PTPN2: variants seen among roughly 807,000 people sequenced by gnomAD.
PTPN2 encodes tyrosine-protein phosphatase non-receptor type 2.
In PTPN2, 19 loss-of-function variants were observed where a neutral mutation model predicts 57.3. The observed-to-expected ratio is 0.33, with a 90% CI of 0.23 to 0.49. The LOEUF (loss-of-function observed/expected upper bound fraction) is 0.49. Among genes scored for constraint, PTPN2 ranks in the 20% least tolerant of loss-of-function variants. PTPN2 has a pLI of 0.99. For missense variants in PTPN2, 358 were observed against 501.1 expected (o/e 0.71, Z 2.73); for synonymous variants, 153 against 164.9 (o/e 0.93, Z 0.55).
At chr18:12,839,552 T>C (rs1037567434) in intron 2 of PTPN2, 4 of 152,106 alleles carry the variant, frequency 2.6e-5, no homozygotes, top group Non-Finnish European at 5.9e-5. Flanking sequence ...AAGGATCCAG[T>C]AAAGGGAGAA....
chr18:12,883,687 C>T, intron 1 of PTPN2: 1 of 172,668 alleles, frequency 5.8e-6, no homozygotes, highest in Non-Finnish European at 1.2e-5. Context: ...GGCGTGGGAG[C>T]TACGGCGAAG....
chr18:12,816,816 A>T (rs1436839149), intron 6 of PTPN2, among the ~76,000 whole-genome samples: 1 of 152,206 alleles, frequency 6.6e-6, no homozygotes, highest in East Asian at 1.9e-4. Flanking sequence ...AAAAAATGAG[A>T]TAAAGTATCT....
intron 8 of PTPN2, among the ~76,000 whole-genome samples, chr18:12,799,456 T>C (rs189640968): frequency 2.0e-5 from 3 of 152,236 alleles, no homozygotes; most frequent in Admixed American, 2.0e-4. Flanking sequence ...TGAAATTCTT[T>C]TGATAAGACT....
intron 7 of PTPN2, among the ~76,000 whole-genome samples, chr18:12,807,605 A>ATATATATATATATATATATATATATAT (rs1555660843): frequency 9.0e-6 from 1 of 110,532 alleles, no homozygotes; most frequent in Non-Finnish European, 1.9e-5. Context: ...ATATATATAT[A>ATATATATATATATATATATATATATAT]ATATAATACT....
intron 2 of PTPN2, among the ~76,000 whole-genome samples, chr18:12,856,504 C>T (rs1305854654): frequency 1.3e-5 from 2 of 152,030 alleles, no homozygotes; most frequent in Admixed American, 6.6e-5. Context: ...CTGCATGGTC[C>T]GCAGGAGGGA....
intron 5 of PTPN2, among the ~76,000 whole-genome samples, chr18:12,824,647 C>T (rs1185501840): frequency 6.6e-6 from 1 of 152,108 alleles, no homozygotes; most frequent in African/African-American, 2.4e-5. Context: ...TATTCTATTA[C>T]AACACAAAGA....
At chr18:12,814,137 G>T in intron 7 of PTPN2, 66 bp downstream of exon 7, 1 of 1,179,498 alleles carries the variant, frequency 8.5e-7, no homozygotes, top group Non-Finnish European at 1.2e-6. Flanking sequence ...CTCAAGTGGA[G>T]TGCAGTTATT....
At chr18:12,842,448 TG>T (rs2145417562) in intron 2 of PTPN2, among the ~76,000 whole-genome samples, 1 of 152,196 alleles carries the variant, frequency 6.6e-6, no homozygotes, top group South Asian at 2.1e-4. Flanking sequence ...CTCACAGCGC[TG>T]GGGAGAGGGG....
intron 1 of PTPN2, among the ~76,000 whole-genome samples, chr18:12,880,929 C>G (rs992937057): frequency 6.6e-6 from 1 of 152,188 alleles, no homozygotes; most frequent in Non-Finnish European, 1.5e-5. Flanking sequence ...GTACCTCAAA[C>G]AGAATTAAAG....
chr18:12,841,951 G>T (rs1311967037), intron 2 of PTPN2, among the ~76,000 whole-genome samples: 1 of 150,900 alleles, frequency 6.6e-6, no homozygotes, highest in Non-Finnish European at 1.5e-5. Context: ...TTGTTGCCCA[G>T]GCTGGAGTGC....
rs556732437 is a variant in PTPN2 at position 12,848,294 on chromosome 18, G to A, written c.160+10870C>T. On this transcript the variant is annotated intron_variant, in intron 2 of 8. Coordinates refer to ENST00000309660, the MANE Select transcript of PTPN2 (RefSeq NM_002828.4). The stretch of plus-strand genomic sequence containing the variant: ...TTCTTAATAATTCTTTGACTTGTCT[G>A]CACATTTCTAGAGGGGTTATCTACG... Among the ~76,000 whole-genome samples the A allele has an allele frequency of 5.3e-5, 8 of 152,288 alleles. No individual in the cohort carries two copies. The East Asian group carries it at 1.5e-3, about 29-fold the overall frequency.
At chr18:12,806,030 A>T (rs1169484037) in intron 7 of PTPN2, among the ~76,000 whole-genome samples, 1 of 152,196 alleles carries the variant, frequency 6.6e-6, no homozygotes, top group Non-Finnish European at 1.5e-5. Context: ...GAGGAAGTCA[A>T]ATTGTCTCTG....
intron 1 of PTPN2, among the ~76,000 whole-genome samples, chr18:12,860,730 A>T (rs1175679940): frequency 6.6e-6 from 1 of 152,152 alleles, no homozygotes; most frequent in East Asian, 1.9e-4. Flanking sequence ...CCACTGCAAC[A>T]ACCAGCAGGC....
intron 2 of PTPN2, among the ~76,000 whole-genome samples, chr18:12,840,390 A>C (rs996347665): frequency 1.3e-5 from 2 of 152,226 alleles, no homozygotes; most frequent in African/African-American, 4.8e-5. Flanking sequence ...CCCCCATATT[A>C]ATGGAGAATA....
At chr18:12,860,958 T>A (rs1008836167) in intron 1 of PTPN2, among the ~76,000 whole-genome samples, 1 of 152,196 alleles carries the variant, frequency 6.6e-6, no homozygotes, top group African/African-American at 2.4e-5. Flanking sequence ...ATGCTTTTGC[T>A]CACATTATTA....
chr18:12,816,473 TATA>T (rs962761239), intron 6 of PTPN2, among the ~76,000 whole-genome samples: 4 of 152,156 alleles, frequency 2.6e-5, no homozygotes, highest in African/African-American at 9.7e-5. Flanking sequence ...GGTTTGATCC[TATA>T]ATAAGAGGAA....
chr18:12,788,525 G>A (rs1028878045), downstream of PTPN2, among the ~76,000 whole-genome samples: 2 of 142,954 alleles, frequency 1.4e-5, no homozygotes, highest in Non-Finnish European at 3.0e-5. Context: ...CTCCAGCCTC[G>A]GCCTCCCAAA....
At chr18:12,830,126 G>A (rs1412650241) in intron 4 of PTPN2, among the ~76,000 whole-genome samples, 2 of 148,660 alleles carry the variant, frequency 1.3e-5, no homozygotes, top group South Asian at 4.3e-4. Context: ...TTTTTGAGAT[G>A]GAGTCTCACT....
chr18:12,795,377 C>T (rs879930087), intron 8 of PTPN2, among the ~76,000 whole-genome samples: 8 of 152,044 alleles, frequency 5.3e-5, no homozygotes, highest in Non-Finnish European at 8.8e-5. Flanking sequence ...CACTGCAACC[C>T]CCGCCTTCCG....
Sources: allele counts gnomAD v4.1 joint callset (sites outside exome capture counted in the v4.1 genomes callset), GRCh38; gene constraint gnomAD v4.1.1; transcripts MANE v1.5; gene names NCBI Gene and HGNC (gene_info 2026-07-23, HGNC 2026-07-21).